The following MBOAT4 variants were observed in gnomAD, a reference collection of about 807,000 sequenced individuals.
MBOAT4 encodes the protein membrane bound ghrelin O-acyltransferase MBOAT4.
A neutral mutation model predicts 13.2 loss-of-function variants in MBOAT4; 11 were observed. The observed-to-expected ratio is 0.84, with a 90% confidence interval of 0.53 to 1.38. MBOAT4 has a LOEUF of 1.38. Ranked by LOEUF, MBOAT4 falls within the 40% of genes most tolerant of loss-of-function variation. MBOAT4 has a pLI of 0.00. For missense variants in MBOAT4, 481 were observed against 527.2 expected (o/e 0.91, Z 0.86); for synonymous variants, 202 against 210.3 (o/e 0.96, Z 0.34).
Position 30,132,496 on chromosome 8 carries a change from T to C in MBOAT4, c.755A>G (p.Lys252Arg). 1.3e-6 allele frequency: 2 copies of C among 1,551,704 alleles called. No homozygotes were observed. Among genetic ancestry groups the C allele is most frequent in the Non-Finnish European group, 1.7e-6 (2 of 1,146,996 alleles). Residue 252 changes from lysine to arginine, a missense_variant, in exon 3 of 3, where the codon AAG (lysine) becomes AGG (arginine). Coordinates refer to ENST00000320542, the MANE Select transcript of MBOAT4 (RefSeq NM_001100916.2). Reference protein sequence around the residue: ...YVVWTTAGLFKLTYYSHWILD... With the variant: ...YVVWTTAGLFRLTYYSHWILD... ...GATCCAGTGGGAGTAGTAGGTGAGC[T>C]TGAAAAGCCCAGCTGTGGTCCACAC...
At chr8:30,140,038 T>C (rs1803235100) in intron 1 of MBOAT4, among the ~76,000 whole-genome samples, 1 of 152,016 alleles carries the variant, frequency 6.6e-6, no homozygotes, top group Non-Finnish European at 1.5e-5. Flanking sequence ...GATGAAGTCA[T>C]TGCAGAATCT....
chr8:30,136,727 G>C (rs2134559), intron 2 of MBOAT4, among the ~76,000 whole-genome samples: 22,663 of 143,606 alleles, frequency 0.16, 2,243 homozygotes, highest in African/African-American at 0.31. Context: ...CTCTCCCCCC[G>C]AACTTTTTTT....
intron 1 of MBOAT4, among the ~76,000 whole-genome samples, chr8:30,142,102 C>T (rs1198317298): frequency 6.6e-6 from 1 of 152,178 alleles, no homozygotes; most frequent in African/African-American, 2.4e-5. Flanking sequence ...TGTACATGGA[C>T]AATGTAGAAT....
chr8:30,137,249 A>G, intron 2 of MBOAT4: 1 of 1,518,752 alleles, frequency 6.6e-7, no homozygotes, highest in East Asian at 2.5e-5. Flanking sequence ...GACTGTAATT[A>G]GCTCTTGATT....
Position 30,138,709 on chromosome 8 carries a change from A to C in MBOAT4, c.167T>G (p.Met56Arg). Residue 56 changes from methionine (M) to arginine (R), a missense_variant, in exon 2 of 3, where the codon ATG (methionine) becomes AGG (arginine). Transcript: ENST00000320542. The stretch of plus-strand genomic sequence containing the variant: ...GAAGACGAGCACGGCGTAGGAACCC[A>C]TGGCAGCCACGGCCAGGGCACCTCC... ...TGGGALAVAA[M>R]GSYAVLVFTP... 6.4e-7 allele frequency: 1 copy of C among 1,550,428 alleles called. No homozygotes were observed. The highest frequency in any genetic ancestry group is 8.7e-7 in the Non-Finnish European group (1 of 1,146,968).
At chr8:30,139,767 G>A (rs1419277341) in intron 1 of MBOAT4, among the ~76,000 whole-genome samples, 1 of 149,570 alleles carries the variant, frequency 6.7e-6, no homozygotes, top group African/African-American at 2.5e-5. Context: ...AGACCAGCCT[G>A]GGCAATATAG....
intron 1 of MBOAT4, among the ~76,000 whole-genome samples, chr8:30,139,376 A>G (rs1803222687): frequency 6.6e-6 from 1 of 151,676 alleles, no homozygotes; most frequent in Non-Finnish European, 1.5e-5. Context: ...TCTGGCTAGC[A>G]AGGACATCTT....
chr8:30,136,841 C>A (rs1264684370), intron 2 of MBOAT4, among the ~76,000 whole-genome samples: 1 of 151,914 alleles, frequency 6.6e-6, no homozygotes, highest in Non-Finnish European at 1.5e-5. Context: ...GCGTCCGCCA[C>A]TATGCCCAGC....
chr8:30,136,361 C>T (rs1294524321), intron 2 of MBOAT4, among the ~76,000 whole-genome samples: 4 of 152,208 alleles, frequency 2.6e-5, no homozygotes, highest in Admixed American at 2.0e-4. Context: ...CACTGCCACC[C>T]GCAAGCCACG....
intron 1 of MBOAT4, among the ~76,000 whole-genome samples, chr8:30,143,219 G>A (rs1421412455): frequency 2.0e-5 from 3 of 152,134 alleles, no homozygotes; most frequent in Admixed American, 6.5e-5. Context: ...ATGGTGGTGT[G>A]CACCTATAGT....
chr8:30,132,078 G>A lies in MBOAT4; in HGVS notation c.1173C>T (p.Ala391=). Reference sequence around the variant, plus strand: ...TGACCTCCACAGCCAGCATGATGTAGGCAATGATCAACTGGGTGTGGGCCC... The same window carrying A: ...TGACCTCCACAGCCAGCATGATGTAAGCAATGATCAACTGGGTGTGGGCCC... ...LTWAHTQLII[A]YIMLAVEVRS... Residue 391 remains alanine, a synonymous_variant, in exon 3 of 3, where the codon GCC becomes GCT. Coordinates refer to ENST00000320542, the MANE Select transcript of MBOAT4 (RefSeq NM_001100916.2). 3 of 1,551,778 alleles carry A rather than the reference G, an allele frequency of 1.9e-6. No homozygotes were observed. In the South Asian group the frequency reaches 3.6e-5, roughly 18 times the overall value.
At chr8:30,141,950 C>G (rs1337125597) in intron 1 of MBOAT4, among the ~76,000 whole-genome samples, 1 of 152,184 alleles carries the variant, frequency 6.6e-6, no homozygotes, top group East Asian at 1.9e-4. Flanking sequence ...TGACTTCCCC[C>G]CTCAACACCC....
At chr8:30,135,861 C>G (rs562262616) in intron 2 of MBOAT4, among the ~76,000 whole-genome samples, 1 of 150,314 alleles carries the variant, frequency 6.7e-6, no homozygotes, top group Admixed American at 6.7e-5. Context: ...CTGCAGTGAG[C>G]CATGAGCATG....
chr8:30,137,448 G>T, intron 2 of MBOAT4: 3 of 1,551,708 alleles, frequency 1.9e-6, no homozygotes, highest in Non-Finnish European at 2.6e-6. Context: ...TTCTGGGCAG[G>T]CCTGCTCTGT....
chr8:30,135,671 G>A (rs1388891789), intron 2 of MBOAT4, among the ~76,000 whole-genome samples: 2 of 152,140 alleles, frequency 1.3e-5, no homozygotes, highest in African/African-American at 4.8e-5. Context: ...CACTTTGGGA[G>A]GCTGAGGTGA....
At chr8:30,136,643 T>G (rs144605431) in intron 2 of MBOAT4, among the ~76,000 whole-genome samples, 42 of 152,098 alleles carry the variant, frequency 2.8e-4, no homozygotes, top group Middle Eastern at 6.8e-3. Flanking sequence ...CATTTGGTAC[T>G]TCCTACGCCC....
intron 1 of MBOAT4, 68 bp downstream of exon 1, chr8:30,144,415 C>G: frequency 8.4e-7 from 1 of 1,190,820 alleles, no homozygotes; most frequent in Non-Finnish European, 1.2e-6. Flanking sequence ...GGATTACGGG[C>G]GTGAGCCACC....
chr8:30,141,624 A>G (rs1358760013), intron 1 of MBOAT4, among the ~76,000 whole-genome samples: 3 of 152,234 alleles, frequency 2.0e-5, no homozygotes, highest in Non-Finnish European at 4.4e-5. Flanking sequence ...GGTGACAGAG[A>G]GAGACTCTGT....
Position 30,131,742 on chromosome 8 carries a change from C to T in MBOAT4, c.*201G>A. 3 of 546,936 alleles carry T rather than the reference C, an allele frequency of 5.5e-6. No individual in the cohort carries two copies. Among genetic ancestry groups the T allele is most frequent in the African/African-American group, 1.9e-5 (1 of 52,896 alleles). The allele number at this position is 546,936 out of a possible 1,614,324, so 33.9% of individuals were successfully genotyped here. On this transcript the variant is annotated 3_prime_UTR_variant, in exon 3 of 3. Transcript: ENST00000320542. Reference sequence around the variant, plus strand: ...TTAAGGGAAGAAACCACATCTTTTTCCTTTTTGTATCCTCAGTACCAGCAG... The same window carrying T: ...TTAAGGGAAGAAACCACATCTTTTTTCTTTTTGTATCCTCAGTACCAGCAG...
Sources: allele counts gnomAD v4.1 joint callset (sites outside exome capture counted in the v4.1 genomes callset), GRCh38; gene constraint gnomAD v4.1.1; transcripts MANE v1.5; gene names NCBI Gene and HGNC (gene_info 2026-07-23, HGNC 2026-07-21).